Variants in MAP3K7 observed in about 807,000 individuals in gnomAD.
MAP3K7 encodes the protein TGF-beta activated kinase 1.
Under a neutral mutation model 84.8 loss-of-function variants are expected in MAP3K7, and 21 were observed. That is an observed-to-expected ratio of 0.25 (90% CI 0.18 to 0.36). The LOEUF is 0.36. Among genes scored for constraint, MAP3K7 ranks in the 10% least tolerant of loss-of-function variants. The probability of loss-of-function intolerance (pLI) is 1.00; values close to 1 mark genes in which losing one functional copy is unlikely to be tolerated. For synonymous variants in MAP3K7, 241 were observed against 247.7 expected, an observed-to-expected ratio of 0.97 and a Z score of 0.25; for missense variants, 503 against 747.7, an observed-to-expected ratio of 0.67 and a Z score of 3.82.
chr6:90,564,091 C>A (rs1776616462), intron 3 of MAP3K7, among the ~76,000 whole-genome samples: 1 of 152,174 alleles, frequency 6.6e-6, no homozygotes, highest in Non-Finnish European at 1.5e-5. Flanking sequence ...AAAGGAACAA[C>A]CGGTACCAGC....
At chr6:90,525,961 T>C (rs1775308846) in intron 13 of MAP3K7, among the ~76,000 whole-genome samples, 13 of 152,086 alleles carry the variant, frequency 8.5e-5, no homozygotes, top group Admixed American at 8.5e-4. Flanking sequence ...TGATCCTCCT[T>C]GAGTAGCCTC....
chr6:90,566,817 A>G (rs1238165254), intron 3 of MAP3K7, among the ~76,000 whole-genome samples: 2 of 152,204 alleles, frequency 1.3e-5, no homozygotes, highest in South Asian at 2.1e-4. Flanking sequence ...AAACTATACT[A>G]CAAGGCTACA....
At chr6:90,560,531 T>C (rs1231235196) in intron 4 of MAP3K7, among the ~76,000 whole-genome samples, 1 of 152,016 alleles carries the variant, frequency 6.6e-6, no homozygotes, top group Non-Finnish European at 1.5e-5. Context: ...CCAGCTAATT[T>C]TTGTATTTTT....
At chr6:90,548,751 C>G (rs975830983) in intron 9 of MAP3K7, among the ~76,000 whole-genome samples, 2 of 149,578 alleles carry the variant, frequency 1.3e-5, no homozygotes, top group African/African-American at 4.9e-5. Context: ...GCAAAGAAAA[C>G]TGAGAACAGA....
chr6:90,581,192 C>T (rs1021553135), intron 1 of MAP3K7, among the ~76,000 whole-genome samples: 14 of 152,170 alleles, frequency 9.2e-5, no homozygotes, highest in African/African-American at 3.4e-4. Context: ...ACCAAACACA[C>T]ACCTAACCTA....
At chr6:90,543,415 A>G (rs1775912997) in intron 12 of MAP3K7, among the ~76,000 whole-genome samples, 1 of 152,066 alleles carries the variant, frequency 6.6e-6, no homozygotes, top group Non-Finnish European at 1.5e-5. Context: ...GGAGATGCTC[A>G]ATAGGTCTGT....
rs138708424 is a variant in MAP3K7 at position 90,513,595 on chromosome 6, G to A, written c.*2906C>T. 3 of 152,190 alleles carry A rather than the reference G, an allele frequency of 2.0e-5. No homozygotes were observed. Among genetic ancestry groups the A allele is most frequent in the African/African-American group, 7.2e-5 (3 of 41,532 alleles). 9.4% of individuals were successfully genotyped at this position (152,190 alleles called of 1,614,324 possible). ...ATGTACCAGTTTAGAATAGGAATCT[G>A]AATTTTATTAAAAACAAAAATAAAT... On this transcript the variant is annotated 3_prime_UTR_variant, in exon 17 of 17. Coordinates refer to ENST00000369329, the MANE Select transcript of MAP3K7 (RefSeq NM_145331.3).
At chr6:90,522,253 C>T (rs1490194031) in intron 14 of MAP3K7, among the ~76,000 whole-genome samples, 1 of 152,042 alleles carries the variant, frequency 6.6e-6, no homozygotes, top group Non-Finnish European at 1.5e-5. Flanking sequence ...GTAGAAGCAA[C>T]ATATGAGGCA....
intron 3 of MAP3K7, among the ~76,000 whole-genome samples, chr6:90,562,457 C>T (rs893761275): frequency 1.3e-5 from 2 of 152,192 alleles, no homozygotes; most frequent in African/African-American, 2.4e-5. Context: ...GTCCCATGCC[C>T]ACGGTGCCTC....
intron 14 of MAP3K7, among the ~76,000 whole-genome samples, chr6:90,520,708 T>C (rs1419324269): frequency 6.6e-6 from 1 of 152,108 alleles, no homozygotes; most frequent in Non-Finnish European, 1.5e-5. Context: ...TATACAGTAC[T>C]AACATAAATG....
At chr6:90,571,879 T>C (rs577511476) in intron 1 of MAP3K7, 72 bp from the exon 2 acceptor site, 3 of 674,664 alleles carry the variant, frequency 4.4e-6, no homozygotes, top group East Asian at 3.0e-5. Context: ...ATCAGCCCAA[T>C]ATAAAAAACT....
intron 1 of MAP3K7, 64 bp downstream of exon 1, chr6:90,586,700 G>GGAC: frequency 6.5e-7 from 1 of 1,539,002 alleles, no homozygotes; most frequent in Admixed American, 2.0e-5. Context: ...TTCAGAGCCG[G>GGAC]CACCAGGCAG....
At chr6:90,536,441 TCAAA>T (rs1775681887) in intron 12 of MAP3K7, 40 bp from the exon 13 acceptor site, 1 of 1,489,300 alleles carries the variant, frequency 6.7e-7, no homozygotes, top group Non-Finnish European at 9.3e-7. Flanking sequence ...TAAAATCTAG[TCAAA>T]CAGACAAAAA....
chr6:90,542,431 G>A (rs553720947), intron 12 of MAP3K7: 2 of 984,496 alleles, frequency 2.0e-6, no homozygotes, highest in African/African-American at 3.5e-5. Context: ...TAGCACTGCT[G>A]CTCTGGCAAT....
intron 12 of MAP3K7, chr6:90,542,491 A>T (rs545174862): frequency 1.0e-6 from 1 of 985,122 alleles, no homozygotes; most frequent in Admixed American, 6.2e-5. Flanking sequence ...GTCATAAAAG[A>T]GGATCTCCCT....
At chr6:90,550,383 T>C (rs1776141517) in intron 9 of MAP3K7, 85 bp downstream of exon 9, 3 of 861,416 alleles carry the variant, frequency 3.5e-6, no homozygotes, top group Non-Finnish European at 5.5e-6. Context: ...AATGGGGACA[T>C]TATTCATTAC....
intron 9 of MAP3K7, 37 bp downstream of exon 9, chr6:90,550,429 GAA>G (rs1466709789): frequency 7.5e-7 from 1 of 1,340,900 alleles, no homozygotes; most frequent in African/African-American, 1.5e-5. Flanking sequence ...AGAGATGAAA[GAA>G]AAATCAAGTC....
chr6:90,534,371 C>T (rs573688847), intron 13 of MAP3K7, among the ~76,000 whole-genome samples: 69 of 152,220 alleles, frequency 4.5e-4, no homozygotes, highest in African/African-American at 1.6e-3. Flanking sequence ...CCAAGCTGAA[C>T]ATTAGGCATT....
chr6:90,585,491 T>A (rs1244903008), intron 1 of MAP3K7, among the ~76,000 whole-genome samples: 1 of 152,226 alleles, frequency 6.6e-6, no homozygotes, highest in Admixed American at 6.5e-5. Flanking sequence ...AGGTTTTTCA[T>A]GGACTATATA....
Sources: gnomAD v4.1 joint callset for allele counts (sites outside exome capture counted in the v4.1 genomes callset) on GRCh38, gnomAD v4.1.1 for gene constraint, MANE v1.5 for transcripts, NCBI Gene and HGNC (gene_info 2026-07-23, HGNC 2026-07-21) for gene names.